ANKIB1: variants seen among roughly 807,000 people sequenced by gnomAD.
ANKIB1 encodes ankyrin repeat and IBR domain-containing protein 1.
A neutral mutation model predicts 122.1 loss-of-function variants in ANKIB1; 43 were observed. The ratio of observed to expected loss-of-function variants is 0.35; its 90% CI spans 0.28 to 0.45. The LOEUF is 0.45. Ranked by LOEUF, ANKIB1 falls within the 20% of genes least tolerant of loss-of-function variation. The pLI is 1.00. For missense variants in ANKIB1, 992 were observed against 1,329.5 expected (o/e 0.75, Z 3.95); for synonymous variants, 390 against 442.0 (o/e 0.88, Z 1.48).
intron 1 of ANKIB1, among the ~76,000 whole-genome samples, chr7:92,249,007 C>T (rs1801264011): frequency 6.6e-6 from 1 of 151,314 alleles, no homozygotes; most frequent in Admixed American, 6.6e-5. Flanking sequence ...CCTGCGTCAG[C>T]CTCCCAAGTA....
At chr7:92,286,547 G>A (rs1200934598) in intron 1 of ANKIB1, among the ~76,000 whole-genome samples, 1 of 150,238 alleles carries the variant, frequency 6.7e-6, no homozygotes, top group Non-Finnish European at 1.5e-5. Context: ...TGGCACGGTC[G>A]CAGCTCACTG....
At chr7:92,289,687 A>G (rs1802207007) in intron 1 of ANKIB1, among the ~76,000 whole-genome samples, 1 of 152,206 alleles carries the variant, frequency 6.6e-6, no homozygotes, top group African/African-American at 2.4e-5. Flanking sequence ...GGACAAAATT[A>G]CCATTGGTCA....
At chr7:92,324,144 G>A (rs532553606) in intron 4 of ANKIB1, among the ~76,000 whole-genome samples, 19 of 152,312 alleles carry the variant, frequency 1.2e-4, no homozygotes, top group Admixed American at 1.2e-3. Context: ...AGATAAAGGT[G>A]GTGATTGTAC....
At chr7:92,330,832 A>ACT (rs1803156991) in intron 5 of ANKIB1, among the ~76,000 whole-genome samples, 1 of 152,110 alleles carries the variant, frequency 6.6e-6, no homozygotes, top group African/African-American at 2.4e-5. Context: ...ACAGAGCGAG[A>ACT]CTCTGTCTCA....
Position 92,246,239 on chromosome 7 carries a change from C to T in ANKIB1, c.-371C>T. On this transcript the variant is annotated 5_prime_UTR_variant, in exon 1 of 20. Transcript: ENST00000265742. ...CCCTCCCCCGAGTGAGGCGGCGCAG[C>T]GGCCGGAGAGGGATGGGGGGCGCCC... 2.7e-6 allele frequency: 1 copy of T among 376,810 alleles called. No homozygotes were observed. Among genetic ancestry groups the T allele is most frequent in the Non-Finnish European group, 5.0e-6 (1 of 198,414 alleles). The allele number at this position is 376,810 out of a possible 1,614,324, so 23.3% of individuals were successfully genotyped here.
intron 3 of ANKIB1, among the ~76,000 whole-genome samples, chr7:92,309,934 A>ATATATATAT: frequency 8.6e-6 from 1 of 115,656 alleles, no homozygotes; most frequent in African/African-American, 3.7e-5. Context: ...AAAAAAAAAA[A>ATATATATAT]AAAAAAAAAT....
At chr7:92,313,757 A>G (rs1802737955) in intron 3 of ANKIB1, among the ~76,000 whole-genome samples, 1 of 152,150 alleles carries the variant, frequency 6.6e-6, no homozygotes, top group South Asian at 2.1e-4. Context: ...GGCCAACCAG[A>G]CCTTCACATT....
chr7:92,386,934 A>C (rs1450079883), intron 12 of ANKIB1, among the ~76,000 whole-genome samples: 1 of 152,186 alleles, frequency 6.6e-6, no homozygotes, highest in African/African-American at 2.4e-5. Context: ...GCAGTATTAC[A>C]TTATACTGTA....
At chr7:92,382,596 C>T (rs571766104) in intron 11 of ANKIB1, among the ~76,000 whole-genome samples, 6 of 152,258 alleles carry the variant, frequency 3.9e-5, no homozygotes, top group East Asian at 3.9e-4. Flanking sequence ...CACTCAAAAC[C>T]GCACAACTAC....
At chr7:92,382,665 G>C (rs1804543869) in intron 11 of ANKIB1, among the ~76,000 whole-genome samples, 1 of 152,178 alleles carries the variant, frequency 6.6e-6, no homozygotes, top group African/African-American at 2.4e-5. Context: ...AATGAAGGCA[G>C]AAATAAAGAT....
intron 18 of ANKIB1, 36 bp downstream of exon 18, chr7:92,396,512 G>A (rs750595134): frequency 3.9e-6 from 4 of 1,032,618 alleles, no homozygotes; most frequent in Non-Finnish European, 5.8e-6. Context: ...TAATCTCATA[G>A]CTCCCCTGAA....
intron 1 of ANKIB1, among the ~76,000 whole-genome samples, chr7:92,286,925 T>C (rs767136504): frequency 1.3e-5 from 2 of 152,256 alleles, no homozygotes; most frequent in Non-Finnish European, 2.9e-5. Flanking sequence ...CCTCTGTTGC[T>C]ACAGTCCTGG....
At position 92,398,294 on chromosome 7, in the gene ANKIB1, A is replaced by G. The variant is rs776933486; in HGVS notation, c.2615A>G (p.Asp872Gly). The change falls in exon 20 of 20, where the codon GAT becomes GGT. Residue 872 changes from aspartate (D) to glycine (G), a missense_variant. By Grantham distance (94) the Asp-to-Gly change is moderately conservative (BLOSUM62 -1). Transcript: ENST00000265742. ...LSLQESGLAL[D>G]EETRDFLSNE... ...CTGCAAGAGTCTGGGCTGGCCCTCG[A>G]TGAAGAAACTAGAGACTTCCTCAGT... is the stretch of plus-strand genomic sequence containing the variant. The G allele has an allele frequency of 9.3e-6, 15 of 1,613,696 alleles. No homozygotes were observed. In the East Asian group the frequency reaches 2.9e-4, roughly 31 times the overall value.
intron 1 of ANKIB1, among the ~76,000 whole-genome samples, chr7:92,261,827 TCA>T (rs1489778914): frequency 6.6e-6 from 1 of 152,228 alleles, no homozygotes; most frequent in Non-Finnish European, 1.5e-5. Context: ...ATATTTCATT[TCA>T]GGTATTTTGC....
At chr7:92,255,337 G>T (rs138103370) in intron 1 of ANKIB1, among the ~76,000 whole-genome samples, 1 of 152,274 alleles carries the variant, frequency 6.6e-6, no homozygotes, top group Non-Finnish European at 1.5e-5. Context: ...CCAAAAAAGG[G>T]TCATATAAAT....
At chr7:92,357,994 G>A (rs1297493758) in intron 9 of ANKIB1, among the ~76,000 whole-genome samples, 2 of 152,048 alleles carry the variant, frequency 1.3e-5, no homozygotes, top group East Asian at 3.9e-4. Flanking sequence ...TGTAATCCCA[G>A]CACTTTGGGA....
chr7:92,267,361 A>G (rs181522043), intron 1 of ANKIB1, among the ~76,000 whole-genome samples: 19 of 152,308 alleles, frequency 1.2e-4, no homozygotes, highest in African/African-American at 4.3e-4. Context: ...CTAGTACCCC[A>G]GAAGCCTTCC....
At chr7:92,347,363 AG>A (rs748476258) in intron 7 of ANKIB1, among the ~76,000 whole-genome samples, 3 of 152,158 alleles carry the variant, frequency 2.0e-5, no homozygotes, top group Non-Finnish European at 2.9e-5. Flanking sequence ...GTGTAGCCCA[AG>A]ACAGTTCTTC....
At chr7:92,247,947 G>C (rs1207799927) in intron 1 of ANKIB1, among the ~76,000 whole-genome samples, 1 of 152,146 alleles carries the variant, frequency 6.6e-6, no homozygotes, top group African/African-American at 2.4e-5. Context: ...ACTTCTCACT[G>C]TTCACAGATT....
Sources: gnomAD v4.1 joint callset for allele counts (sites outside exome capture counted in the v4.1 genomes callset) on GRCh38, gnomAD v4.1.1 for gene constraint, MANE v1.5 for transcripts, NCBI Gene and HGNC (gene_info 2026-07-23, HGNC 2026-07-21) for gene names.